CACNB4: variants seen among roughly 807,000 people sequenced by gnomAD.
CACNB4 encodes the protein voltage-dependent L-type calcium channel subunit beta-4.
Under a neutral mutation model 71.2 loss-of-function variants are expected in CACNB4, and 32 were observed. The observed-to-expected ratio is 0.45, with a 90% confidence interval of 0.34 to 0.60. The LOEUF (loss-of-function observed/expected upper bound fraction) is 0.60, where lower values mean the gene tolerates loss of function less well. Among genes scored for constraint, CACNB4 ranks in the 20% least tolerant of loss-of-function variants. The pLI, the probability that CACNB4 is intolerant of heterozygous loss-of-function variation, is 0.01. For missense variants in CACNB4, 464 were observed against 647.9 expected (o/e 0.72, Z 3.08); for synonymous variants, 231 against 236.9 (o/e 0.97, Z 0.23).
intron 2 of CACNB4, among the ~76,000 whole-genome samples, chr2:152,009,413 C>A (rs1682930451): frequency 6.6e-6 from 1 of 152,014 alleles, no homozygotes; most frequent in Non-Finnish European, 1.5e-5. Flanking sequence ...GTAGGGAAAT[C>A]TGAACAAAGA....
chr2:152,075,801 G>C (rs961561075), intron 2 of CACNB4, among the ~76,000 whole-genome samples: 1 of 152,104 alleles, frequency 6.6e-6, no homozygotes, highest in Non-Finnish European at 1.5e-5. Flanking sequence ...TCGAATACTG[G>C]GCCCCAGACC....
At chr2:151,839,479 A>C (rs760732392) in intron 13 of CACNB4, 100 bp from the exon 14 acceptor site, 4 of 951,676 alleles carry the variant, frequency 4.2e-6, no homozygotes, top group Non-Finnish European at 6.4e-6. Context: ...ATAAGATGCT[A>C]AATATCTGAC....
At chr2:152,011,781 CATA>C (rs1165489230) in intron 2 of CACNB4, among the ~76,000 whole-genome samples, 2 of 152,190 alleles carry the variant, frequency 1.3e-5, no homozygotes, top group African/African-American at 4.8e-5. Context: ...TCATGCGCCA[CATA>C]ATGATGTTTC....
chr2:151,857,001 T>G (rs930649536), intron 10 of CACNB4: 3 of 152,172 alleles, frequency 2.0e-5, no homozygotes, highest in African/African-American at 7.2e-5. Context: ...GTGTGAGCCA[T>G]TGTACCCGGC....
chr2:151,917,879 T>C (rs974689247), intron 2 of CACNB4, among the ~76,000 whole-genome samples: 5 of 150,578 alleles, frequency 3.3e-5, no homozygotes, highest in African/African-American at 1.2e-4. Context: ...AACACTGTAG[T>C]TTACCCCTAA....
chr2:151,889,872 T>C (rs1265156022), intron 2 of CACNB4, among the ~76,000 whole-genome samples: 8 of 152,158 alleles, frequency 5.3e-5, no homozygotes, highest in African/African-American at 1.9e-4. Context: ...ACCTCGAGTT[T>C]GTTCAAAGAA....
intron 2 of CACNB4, among the ~76,000 whole-genome samples, chr2:151,948,945 G>T (rs1040106517): frequency 6.6e-6 from 1 of 151,986 alleles, no homozygotes; most frequent in Non-Finnish European, 1.5e-5. Flanking sequence ...TTTGTTTAAA[G>T]GTAGATGTCA....
At chr2:152,085,110 A>G (rs1687580152) in intron 2 of CACNB4, among the ~76,000 whole-genome samples, 1 of 152,146 alleles carries the variant, frequency 6.6e-6, no homozygotes, top group Admixed American at 6.5e-5. Context: ...TCAAGTGGAA[A>G]TGGGGAAAGC....
chr2:151,911,286 C>G (rs780745374), intron 2 of CACNB4, among the ~76,000 whole-genome samples: 40 of 152,220 alleles, frequency 2.6e-4, no homozygotes, highest in Non-Finnish European at 4.0e-4. Context: ...ATTTGAATAC[C>G]CTTTCTTTCT....
At position 151,838,468 on chromosome 2, in the gene CACNB4, A is replaced by G. The variant is rs1013503331; in HGVS notation, c.*651T>C. On this transcript the variant is annotated 3_prime_UTR_variant, in exon 14 of 14. Transcript: ENST00000539935. ...AAATATTAAAATCTGAGGAGACTAT[A>G]TAATTTCTGCATTAAGATTTCTGAG... 6.6e-6 allele frequency: 1 copy of G among 152,330 alleles called. No homozygotes were observed. Among genetic ancestry groups the G allele is most frequent in the African/African-American group, 2.4e-5 (1 of 41,282 alleles). The allele number at this position is 152,330 out of a possible 1,614,324, so 9.4% of individuals were successfully genotyped here.
chr2:151,899,808 A>G (rs2099852945), intron 2 of CACNB4, among the ~76,000 whole-genome samples: 1 of 152,194 alleles, frequency 6.6e-6, no homozygotes, highest in Admixed American at 6.5e-5. Flanking sequence ...AAAAATTAGT[A>G]TGTATGAGGC....
chr2:151,895,221 C>G (rs2099851753), intron 2 of CACNB4, among the ~76,000 whole-genome samples: 1 of 151,160 alleles, frequency 6.6e-6, no homozygotes, highest in Non-Finnish European at 1.5e-5. Flanking sequence ...GCTACAGTAC[C>G]TAAAACAGCA....
chr2:151,956,869 G>A (rs970267366), intron 2 of CACNB4, among the ~76,000 whole-genome samples: 20 of 152,092 alleles, frequency 1.3e-4, no homozygotes, highest in African/African-American at 4.1e-4. Flanking sequence ...ATTTCCAGCC[G>A]GGCACAGTGG....
intron 2 of CACNB4, among the ~76,000 whole-genome samples, chr2:151,983,992 T>A (rs905247849): frequency 6.6e-6 from 1 of 152,136 alleles, no homozygotes; most frequent in African/African-American, 2.4e-5. Context: ...ACATTAGTTT[T>A]AAAAAAATTA....
chr2:152,024,642 G>A (rs1415458173), intron 2 of CACNB4, among the ~76,000 whole-genome samples: 1 of 152,156 alleles, frequency 6.6e-6, no homozygotes, highest in Admixed American at 6.5e-5. Context: ...ACTATGATAG[G>A]GATCCACAGC....
rs1280596293 is a variant in CACNB4, at chr2:151,919,837, AAAAC to A, written c.148-36471_148-36468del. ...AGGTATGACTTAAGTGCAAGTTTGG[AAAAC>A]AAACAAACAAACAACAACAACAACA... On this transcript the variant is annotated intron_variant, in intron 2 of 13. Coordinates refer to ENST00000539935, the MANE Select transcript of CACNB4 (RefSeq NM_000726.5). 6.5e-4 allele frequency among the ~76,000 whole-genome samples: 99 copies of A among 152,070 alleles called. 2 individuals are homozygous for A. Among genetic ancestry groups the A allele is most frequent in the East Asian group, 5.8e-4 (3 of 5,186 alleles).
At chr2:151,929,324 G>A (rs1275253159) in intron 2 of CACNB4, among the ~76,000 whole-genome samples, 1 of 151,924 alleles carries the variant, frequency 6.6e-6, no homozygotes, top group Admixed American at 6.5e-5. Context: ...CCCAGTAAAT[G>A]CACACACATA....
At chr2:152,011,833 G>A (rs1198600597) in intron 2 of CACNB4, among the ~76,000 whole-genome samples, 1 of 152,130 alleles carries the variant, frequency 6.6e-6, no homozygotes, top group East Asian at 1.9e-4. Context: ...TATGACAGTG[G>A]TCCCATAAGA....
At chr2:151,923,380 G>T (rs186717922) in intron 2 of CACNB4, among the ~76,000 whole-genome samples, 1 of 152,172 alleles carries the variant, frequency 6.6e-6, no homozygotes, top group African/African-American at 2.4e-5. Context: ...TTATTTATGT[G>T]CTGGATCTCT....
Sources: allele counts gnomAD v4.1 joint callset (sites outside exome capture counted in the v4.1 genomes callset), GRCh38; gene constraint gnomAD v4.1.1; transcripts MANE v1.5; gene names NCBI Gene and HGNC (gene_info 2026-07-23, HGNC 2026-07-21).